The following RARB variants were observed in gnomAD, a reference collection of about 807,000 sequenced individuals.
RARB encodes HBV-activated protein.
A neutral mutation model predicts 51.9 loss-of-function variants in RARB; 17 were observed. The observed-to-expected ratio is 0.33, with a 90% CI of 0.22 to 0.49. RARB has a LOEUF of 0.49. Ranked by LOEUF, RARB falls within the 20% of genes least tolerant of loss-of-function variation. RARB has a pLI of 0.99. For synonymous variants in RARB, 215 were observed against 195.4 expected (o/e 1.10, Z -0.84); for missense variants, 369 against 550.8 (o/e 0.67, Z 3.30).
intron 3 of RARB, among the ~76,000 whole-genome samples, chr3:25,506,787 C>G (rs986983084): frequency 1.3e-5 from 2 of 152,244 alleles, no homozygotes; most frequent in Admixed American, 6.5e-5. Flanking sequence ...TTGCCAATGT[C>G]TGCTTTAAGT....
exon 5 of RARB, chr3:25,174,547 G>T: frequency 1.5e-6 from 2 of 1,352,072 alleles, no homozygotes; most frequent in Non-Finnish European, 2.0e-6. Context: ...ATCCGCCTCC[G>T]AGTGGATGCA....
intron 5 of RARB, among the ~76,000 whole-genome samples, chr3:25,186,868 CA>C (rs1483462118): frequency 7.0e-6 from 1 of 143,194 alleles, no homozygotes; most frequent in African/African-American, 2.6e-5. Flanking sequence ...AATGAAGACC[CA>C]AAGAAAAAGG....
At position 25,353,566 on chromosome 3, in the gene RARB, G is replaced by A. The variant is rs190455906; in HGVS notation, c.179-107627G>A. On this transcript the variant is annotated intron_variant, in intron 5 of 11. Coordinates refer to the RARB transcript ENST00000383772. ...TAACCATAAGATTGATATCTTTTGTGGGAAAACTGCTGCTGAGATTTTTTT... is the reference window on the plus strand; with the variant it reads ...TAACCATAAGATTGATATCTTTTGTAGGAAAACTGCTGCTGAGATTTTTTT... Among the ~76,000 whole-genome samples the A allele has an allele frequency of 1.8e-3, 251 of 139,964 alleles. 1 individual carries two copies. The highest frequency in any genetic ancestry group is 6.4e-3 in the African/African-American group (239 of 37,194). 91.8% of individuals were successfully genotyped at this position (139,964 alleles called of 152,430 possible). A position where few individuals can be genotyped will look rare whatever the true frequency, so the allele number is the denominator to read the frequency against.
intron 2 of RARB, among the ~76,000 whole-genome samples, chr3:25,032,563 AAAC>A (rs1434522653): frequency 6.6e-6 from 1 of 152,256 alleles, no homozygotes; most frequent in Non-Finnish European, 1.5e-5. Context: ...TGTTCACTAT[AAAC>A]AACACTGATA....
chr3:25,442,103 AATTTT>A (rs1371453734), intron 1 of RARB, among the ~76,000 whole-genome samples: 5 of 126,800 alleles, frequency 3.9e-5, no homozygotes, highest in Non-Finnish European at 7.2e-5. Context: ...GTGACTTTTT[AATTTT>A]ATTTTATTTT....
chr3:25,317,537 A>G (rs1283969182), intron 5 of RARB, among the ~76,000 whole-genome samples: 2 of 152,272 alleles, frequency 1.3e-5, no homozygotes, highest in South Asian at 4.1e-4. Flanking sequence ...CGAGTGAGCT[A>G]TCTAGGAGTG....
intron 2 of RARB, among the ~76,000 whole-genome samples, chr3:25,018,126 G>A (rs536534251): frequency 3.3e-5 from 5 of 152,164 alleles, no homozygotes; most frequent in Non-Finnish European, 7.3e-5. Context: ...CTTGCACAGA[G>A]GTAGATTGGA....
intron 3 of RARB, among the ~76,000 whole-genome samples, chr3:25,532,908 A>G (rs1019143710): frequency 1.3e-5 from 2 of 152,200 alleles, no homozygotes; most frequent in Non-Finnish European, 2.9e-5. Context: ...GGCTGGCCTC[A>G]GTACTCTTGA....
chr3:24,982,436 T>C (rs1696698515), intron 2 of RARB, among the ~76,000 whole-genome samples: 1 of 152,178 alleles, frequency 6.6e-6, no homozygotes, highest in Non-Finnish European at 1.5e-5. Context: ...CAGACTGTCC[T>C]TTTGCCTTTT....
intron 5 of RARB, among the ~76,000 whole-genome samples, chr3:25,332,884 A>G (rs553863023): frequency 1.0e-3 from 154 of 152,320 alleles, no homozygotes; most frequent in African/African-American, 3.6e-3. Context: ...CACCAATAAC[A>G]AACAAACAGA....
At chr3:25,286,225 A>C (rs1463868488) in intron 5 of RARB, among the ~76,000 whole-genome samples, 2 of 150,842 alleles carry the variant, frequency 1.3e-5, no homozygotes, top group Non-Finnish European at 2.9e-5. Flanking sequence ...AGTAGCTGGG[A>C]CTACAGGCGC....
chr3:25,222,093 G>C (rs775115444), intron 5 of RARB, among the ~76,000 whole-genome samples: 3 of 152,144 alleles, frequency 2.0e-5, no homozygotes, highest in Non-Finnish European at 4.4e-5. Context: ...GGCGTGACCT[G>C]TCATTCTAAT....
chr3:25,592,779 A>T lies in RARB; in HGVS notation c.787-724A>T, dbSNP rs897562595. Among the ~76,000 whole-genome samples, 5 of 152,008 alleles carry T rather than the reference A, an allele frequency of 3.3e-5. No individual in the cohort carries two copies. The South Asian group carries it at 1.0e-3, about 32-fold the overall frequency. On this transcript the variant is annotated intron_variant, in intron 5 of 7. Coordinates refer to ENST00000330688, the MANE Select transcript of RARB (RefSeq NM_000965.5). The stretch of plus-strand genomic sequence containing the variant: ...CACTTTAGGGTTCGGTTGAAATGCT[A>T]CCTCTTTATGGATCTGCCCTTGATT...
At chr3:25,151,550 A>C (rs969002351) in intron 4 of RARB, among the ~76,000 whole-genome samples, 4 of 152,230 alleles carry the variant, frequency 2.6e-5, no homozygotes, top group Non-Finnish European at 5.9e-5. Context: ...ATCTATAAAC[A>C]GAACCTACTA....
chr3:25,449,648 G>A (rs1709102559), intron 1 of RARB, among the ~76,000 whole-genome samples: 1 of 152,014 alleles, frequency 6.6e-6, no homozygotes, highest in African/African-American at 2.4e-5. Context: ...TTTTTATTTA[G>A]CAGCTGTATG....
intron 2 of RARB, among the ~76,000 whole-genome samples, chr3:25,016,430 C>G (rs1306865709): frequency 6.6e-6 from 1 of 152,126 alleles, no homozygotes; most frequent in African/African-American, 2.4e-5. Flanking sequence ...GTAGCACCAT[C>G]CCCCAAAACT....
At chr3:24,916,252 G>A (rs552257942) in intron 2 of RARB, among the ~76,000 whole-genome samples, 2 of 152,144 alleles carry the variant, frequency 1.3e-5, no homozygotes, top group African/African-American at 2.4e-5. Flanking sequence ...TCTAGTCATA[G>A]GTACAAAAAG....
chr3:25,287,234 A>G (rs1450866909), intron 5 of RARB, among the ~76,000 whole-genome samples: 1 of 152,222 alleles, frequency 6.6e-6, no homozygotes, highest in Non-Finnish European at 1.5e-5. Flanking sequence ...CCTTTCCAGC[A>G]GACACTACTG....
chr3:25,165,426 G>A (rs1299920380), intron 4 of RARB, among the ~76,000 whole-genome samples: 1 of 152,096 alleles, frequency 6.6e-6, no homozygotes, highest in Admixed American at 6.6e-5. Flanking sequence ...TAGGATAGAT[G>A]GGTCAACATC....
Sources: allele counts gnomAD v4.1 joint callset (sites outside exome capture counted in the v4.1 genomes callset), GRCh38; gene constraint gnomAD v4.1.1; transcripts MANE v1.5; gene names NCBI Gene and HGNC (gene_info 2026-07-23, HGNC 2026-07-21).